NCKAP5: variants seen among roughly 807,000 people sequenced by gnomAD.
NCKAP5 encodes the protein nck-associated protein 5.
A neutral mutation model predicts 167.0 loss-of-function variants in NCKAP5; 92 were observed. The ratio of observed to expected loss-of-function variants is 0.55; its 90% CI spans 0.47 to 0.66. The LOEUF (loss-of-function observed/expected upper bound fraction) is 0.66, where lower values mean the gene tolerates loss of function less well. Among genes scored for constraint, NCKAP5 ranks in the 30% least tolerant of loss-of-function variants. The pLI is 0.00. For synonymous variants in NCKAP5, 891 were observed against 877.4 expected, an observed-to-expected ratio of 1.02 and a Z score of -0.27; for missense variants, 2,378 against 2,315.0, an observed-to-expected ratio of 1.03 and a Z score of -0.56.
At chr2:133,534,032 T>C (rs1200790391) in intron 2 of NCKAP5, among the ~76,000 whole-genome samples, 1 of 152,212 alleles carries the variant, frequency 6.6e-6, no homozygotes, top group Non-Finnish European at 1.5e-5. Flanking sequence ...ACCAATTATC[T>C]GAATTATGAC....
intron 12 of NCKAP5, among the ~76,000 whole-genome samples, chr2:132,794,263 T>TATAGAGAG (rs762281677): frequency 5.9e-4 from 7 of 11,902 alleles, no homozygotes; most frequent in Non-Finnish European, 1.0e-3. Context: ...TATATATATA[T>TATAGAGAG]AGAGAGAGAG....
In NCKAP5 at chr2:133,506,997, C is replaced by T. The variant is rs544096540; in HGVS notation, c.69+10461G>A. On this transcript the variant is annotated intron_variant, in intron 3 of 19. Coordinates refer to ENST00000409261, the MANE Select transcript of NCKAP5 (RefSeq NM_207363.3). ...ACCAAACAGAAATTAGGTCAGATAT[C>T]CTGCCTCAGGGACCTACCAAACTGG... Among the ~76,000 whole-genome samples the T allele has an allele frequency of 8.5e-4, 129 of 152,268 alleles. 1 individual carries two copies. Among genetic ancestry groups the T allele is most frequent in the African/African-American group, 2.9e-3 (121 of 41,548 alleles).
chr2:133,277,996 A>G (rs1314331194), intron 4 of NCKAP5, among the ~76,000 whole-genome samples: 1 of 152,200 alleles, frequency 6.6e-6, no homozygotes, highest in Non-Finnish European at 1.5e-5. Flanking sequence ...AAATAGATCC[A>G]GGATCTAAAT....
At chr2:133,332,646 A>G (rs1440602662) in intron 3 of NCKAP5, among the ~76,000 whole-genome samples, 1 of 152,216 alleles carries the variant, frequency 6.6e-6, no homozygotes, top group Non-Finnish European at 1.5e-5. Flanking sequence ...AAAATTTTTA[A>G]GGATTCTGAG....
intron 3 of NCKAP5, among the ~76,000 whole-genome samples, chr2:133,508,430 A>G (rs16826005): frequency 0.076 from 11,628 of 152,258 alleles, 684 homozygotes; most frequent in East Asian, 0.3. Flanking sequence ...GGTATTCTGA[A>G]TAGTGTATAT....
chr2:133,584,941 A>G, the NCKAP5 span, among the ~76,000 whole-genome samples: 2 of 113,808 alleles, frequency 1.8e-5, no homozygotes, highest in African/African-American at 3.3e-5. Flanking sequence ...AAAAAAAGAA[A>G]GAAGGAAGGA....
intron 9 of NCKAP5, among the ~76,000 whole-genome samples, chr2:132,872,336 T>C (rs1690890767): frequency 6.6e-6 from 1 of 152,212 alleles, no homozygotes; most frequent in East Asian, 1.9e-4. Flanking sequence ...CTAGCTCCTC[T>C]AACACATGGC....
intron 6 of NCKAP5, among the ~76,000 whole-genome samples, chr2:133,097,893 T>C (rs1405416778): frequency 6.6e-6 from 1 of 152,188 alleles, no homozygotes; most frequent in Non-Finnish European, 1.5e-5. Flanking sequence ...ACGTGCATTT[T>C]CTACATCTGG....
At chr2:133,674,099 G>T in the NCKAP5 span, among the ~76,000 whole-genome samples, 10 of 152,154 alleles carry the variant, frequency 6.6e-5, no homozygotes, top group Admixed American at 1.3e-4. Context: ...TATTAGAAAA[G>T]GATGATTCAG....
chr2:133,538,958 T>G (rs1243219202), intron 2 of NCKAP5, among the ~76,000 whole-genome samples: 9 of 120,894 alleles, frequency 7.4e-5, no homozygotes, highest in African/African-American at 2.7e-4. Context: ...TTTTTTTTTT[T>G]GAGACGGAGT....
At chr2:132,743,241 G>A (rs969753603) in intron 16 of NCKAP5, among the ~76,000 whole-genome samples, 2 of 151,768 alleles carry the variant, frequency 1.3e-5, no homozygotes, top group African/African-American at 4.8e-5. Flanking sequence ...AACATAGCCT[G>A]GAGGTAAATA....
chr2:133,552,510 C>T (rs973524698), intron 2 of NCKAP5, among the ~76,000 whole-genome samples: 1 of 144,006 alleles, frequency 6.9e-6, no homozygotes, highest in African/African-American at 2.6e-5. Context: ...AAACCAAACA[C>T]CGCATATTCT....
chr2:133,491,200 C>T (rs1227768670), intron 3 of NCKAP5, among the ~76,000 whole-genome samples: 1 of 152,134 alleles, frequency 6.6e-6, no homozygotes, highest in Admixed American at 6.6e-5. Context: ...AGAGAATGGG[C>T]AATACAGCTG....
chr2:132,835,075 T>A (rs1323675219), intron 11 of NCKAP5, among the ~76,000 whole-genome samples: 1 of 152,222 alleles, frequency 6.6e-6, no homozygotes, highest in Non-Finnish European at 1.5e-5. Context: ...GATGACCATA[T>A]GTTTTTTGTC....
rs901968380 is a variant in NCKAP5, at chr2:133,189,518, C to A, written c.207+24198G>T. 5.9e-5 allele frequency among the ~76,000 whole-genome samples: 9 copies of A among 152,172 alleles called. No homozygotes were observed. The South Asian group carries it at 1.9e-3, about 32-fold the overall frequency. ...TTAGACCAATATCCCTGATGAACAT[C>A]GATTCAAAAATCCTCAAGAAAATAC... On this transcript the variant is annotated intron_variant, in intron 5 of 19. Coordinates refer to ENST00000409261, the MANE Select transcript of NCKAP5 (RefSeq NM_207363.3).
chr2:133,330,453 C>T (rs1407300605), intron 3 of NCKAP5, among the ~76,000 whole-genome samples: 1 of 149,866 alleles, frequency 6.7e-6, no homozygotes, highest in Non-Finnish European at 1.5e-5. Flanking sequence ...AAAAAGGACA[C>T]GTTTTGTGTT....
chr2:133,005,685 C>A (rs2077941551), intron 6 of NCKAP5, among the ~76,000 whole-genome samples: 1 of 152,140 alleles, frequency 6.6e-6, no homozygotes, highest in Non-Finnish European at 1.5e-5. Flanking sequence ...GGGGATAGAT[C>A]TTTACAGCTT....
At chr2:133,084,540 A>G (rs192646894) in intron 6 of NCKAP5, among the ~76,000 whole-genome samples, 259 of 152,280 alleles carry the variant, frequency 1.7e-3, no homozygotes, top group African/African-American at 5.3e-3. Flanking sequence ...AATGGGATAC[A>G]GTGAGGAAAT....
rs1686595575 is a variant in NCKAP5 at position 133,382,439 on chromosome 2, G to GT, written c.70-79330dup. On this transcript the variant is annotated intron_variant, in intron 3 of 19. Coordinates refer to ENST00000409261, the MANE Select transcript of NCKAP5 (RefSeq NM_207363.3). The stretch of plus-strand genomic sequence containing the variant: ...TAAACCATTCAATACCTTCTCATTG[G>GT]TTTTAACATGACACTCAAGTCCCTA... Among the ~76,000 whole-genome samples the GT allele has an allele frequency of 3.9e-5, 6 of 152,244 alleles. No individual in the cohort carries two copies. In the South Asian group the frequency reaches 1.2e-3, roughly 32 times the overall value.
Sources: allele counts gnomAD v4.1 joint callset (sites outside exome capture counted in the v4.1 genomes callset), GRCh38; gene constraint gnomAD v4.1.1; transcripts MANE v1.5; gene names NCBI Gene and HGNC (gene_info 2026-07-23, HGNC 2026-07-21).